ARMC7: variants seen among roughly 807,000 people sequenced by gnomAD.
ARMC7 encodes the protein armadillo repeat-containing protein 7.
ARMC7 carries 9 observed loss-of-function variants against 14.8 expected under a neutral mutation model. The ratio of observed to expected loss-of-function variants is 0.61; its 90% confidence interval spans 0.37 to 1.06. The LOEUF is 1.06. Among genes scored for constraint, ARMC7 ranks in the 50% least tolerant of loss-of-function variants. The pLI, the probability that ARMC7 is intolerant of heterozygous loss-of-function variation, is 0.01. For missense variants in ARMC7, 262 were observed against 267.1 expected (o/e 0.98, Z 0.13); for synonymous variants, 125 against 123.4 (o/e 1.01, Z -0.09).
chr17:75,111,823 T>C (rs1298399321), intron 2 of ARMC7, among the ~76,000 whole-genome samples: 1 of 151,438 alleles, frequency 6.6e-6, no homozygotes, highest in African/African-American at 2.5e-5. Context: ...CTTCTGTAGT[T>C]GTTATGATCT....
At position 75,129,230 on chromosome 17, in the gene ARMC7, A is replaced by C; in HGVS notation, c.*192A>C. The C allele has an allele frequency of 1.3e-6, 1 of 785,216 alleles. No homozygotes were observed. Among genetic ancestry groups the C allele is most frequent in the South Asian group, 2.0e-5 (1 of 49,326 alleles). The allele number at this position is 785,216 out of a possible 1,614,324, so 48.6% of individuals were successfully genotyped here. A position where few individuals can be genotyped will look rare whatever the true frequency, so the allele number is the denominator to read the frequency against. Reference sequence around the variant, plus strand: ...AGTGAGGAAGCCAGACTCCAGAGACACGGAGAAGATCAAACTGGAGCTGCG... The same window carrying C: ...AGTGAGGAAGCCAGACTCCAGAGACCCGGAGAAGATCAAACTGGAGCTGCG... On this transcript the variant is annotated 3_prime_UTR_variant, in exon 3 of 3. Coordinates refer to ENST00000245543, the MANE Select transcript of ARMC7 (RefSeq NM_024585.4).
chr17:75,110,508 A>T lies in ARMC7; in HGVS notation c.137A>T (p.Asp46Val), dbSNP rs200067357. 4 of 1,613,964 alleles carry T rather than the reference A, an allele frequency of 2.5e-6. No individual in the cohort carries two copies. Among genetic ancestry groups the T allele is most frequent in the Non-Finnish European group, 3.4e-6 (4 of 1,179,870 alleles). ...GCCAACCTCGCCAACTTCGCTTATG[A>T]CCCCAGCAACTACGAGTATCTGCGG... ...VLANLANFAY[D>V]PSNYEYLRQL... Residue 46 changes from aspartate to valine, a missense_variant, in exon 2 of 3, where the codon GAC (aspartate) becomes GTC (valine). Asp to Val is a radical substitution (Grantham distance 152, BLOSUM62 -3). Coordinates refer to ENST00000245543, the MANE Select transcript of ARMC7 (RefSeq NM_024585.4).
At chr17:75,125,265 C>G (rs1024153287) in intron 2 of ARMC7, among the ~76,000 whole-genome samples, 3 of 152,178 alleles carry the variant, frequency 2.0e-5, no homozygotes, top group Non-Finnish European at 1.5e-5. Context: ...CCCCCCGGGT[C>G]AGTGCTTAAA....
chr17:75,116,172 C>T (rs867612847), intron 2 of ARMC7, among the ~76,000 whole-genome samples: 11 of 152,198 alleles, frequency 7.2e-5, no homozygotes, highest in East Asian at 3.9e-4. Context: ...GCCCCCATCA[C>T]GGATGGCATT....
At chr17:75,119,673 GA>G (rs2073999790) in intron 2 of ARMC7, among the ~76,000 whole-genome samples, 1 of 150,328 alleles carries the variant, frequency 6.7e-6, no homozygotes, top group African/African-American at 2.5e-5. Flanking sequence ...TGTTAGCCAG[GA>G]TGGTCTCGAT....
chr17:75,117,546 G>A (rs1330948444), intron 2 of ARMC7, among the ~76,000 whole-genome samples: 1 of 152,230 alleles, frequency 6.6e-6, no homozygotes, highest in Admixed American at 6.5e-5. Flanking sequence ...TTTGGCCTAA[G>A]AAGGCAGGAT....
intron 2 of ARMC7, among the ~76,000 whole-genome samples, chr17:75,116,538 T>A (rs1422156012): frequency 1.3e-5 from 2 of 152,152 alleles, no homozygotes; most frequent in Non-Finnish European, 2.9e-5. Flanking sequence ...GGCAGGAGAA[T>A]CGCTTGAACC....
intron 2 of ARMC7, among the ~76,000 whole-genome samples, chr17:75,116,965 C>T (rs2073977485): frequency 6.6e-6 from 1 of 152,170 alleles, no homozygotes; most frequent in Non-Finnish European, 1.5e-5. Flanking sequence ...TCTGCCTCCT[C>T]TCTGAGGGCT....
chr17:75,127,277 A>G (rs1192504440), intron 2 of ARMC7, among the ~76,000 whole-genome samples: 2 of 152,154 alleles, frequency 1.3e-5, no homozygotes, highest in Non-Finnish European at 2.9e-5. Context: ...ATATTCACAT[A>G]TTTCAAATTG....
Position 75,128,750 on chromosome 17 carries a change from C to T in ARMC7, c.309C>T (p.Ile103=). 6.2e-7 allele frequency: 1 copy of T among 1,613,640 alleles called. No individual in the cohort carries two copies. Among genetic ancestry groups the T allele is most frequent in the Admixed American group, 1.7e-5 (1 of 60,020 alleles). Residue 103 remains isoleucine, a synonymous_variant, in exon 3 of 3, where the codon ATC becomes ATT. Transcript: ENST00000245543. ...TGCACGCAGGAGGTGTCCCACTCATCATCAACTGCCTATCCAGCCCCAATG... is the reference window on the plus strand; with the variant it reads ...TGCACGCAGGAGGTGTCCCACTCATTATCAACTGCCTATCCAGCCCCAATG... The part of the protein sequence containing the change: ...HILHAGGVPL[I]INCLSSPNEE...
At chr17:75,116,008 A>G (rs933103303) in intron 2 of ARMC7, among the ~76,000 whole-genome samples, 9 of 152,156 alleles carry the variant, frequency 5.9e-5, no homozygotes, top group African/African-American at 2.2e-4. Flanking sequence ...GGGATGGGAT[A>G]ACGTCCTATC....
At chr17:75,126,832 G>A (rs963939802) in intron 2 of ARMC7, among the ~76,000 whole-genome samples, 18 of 152,000 alleles carry the variant, frequency 1.2e-4, no homozygotes, top group African/African-American at 1.9e-4. Context: ...AGGCCGAGGC[G>A]GGTGGAACAC....
At chr17:75,113,601 C>T (rs2073949094) in intron 2 of ARMC7, among the ~76,000 whole-genome samples, 1 of 152,030 alleles carries the variant, frequency 6.6e-6, no homozygotes, top group Admixed American at 6.6e-5. Context: ...GTGATCTGCC[C>T]GCCTCGGCCT....
At position 75,129,041 on chromosome 17, in the gene ARMC7, C is replaced by G. The variant is rs2074078690; in HGVS notation, c.*3C>G. 10 of 1,591,012 alleles carry G rather than the reference C, an allele frequency of 6.3e-6. No individual in the cohort carries two copies. Among genetic ancestry groups the G allele is most frequent in the Non-Finnish European group, 8.5e-6 (10 of 1,175,014 alleles). On this transcript the variant is annotated 3_prime_UTR_variant, in exon 3 of 3. Transcript: ENST00000245543. ...GCGTGGCCCCACGGCAGCGCTGATCCATGGAGACTGCGAGACCGTGGCACC... is the reference window on the plus strand; with the variant it reads ...GCGTGGCCCCACGGCAGCGCTGATCGATGGAGACTGCGAGACCGTGGCACC...
At chr17:75,125,552 C>T (rs1411299320) in intron 2 of ARMC7, among the ~76,000 whole-genome samples, 3 of 152,010 alleles carry the variant, frequency 2.0e-5, no homozygotes, top group Non-Finnish European at 4.4e-5. Context: ...AATAATGTTC[C>T]CCCAGCTGGG....
At chr17:75,128,072 T>C (rs2145136738) in intron 2 of ARMC7, among the ~76,000 whole-genome samples, 1 of 152,050 alleles carries the variant, frequency 6.6e-6, no homozygotes, top group Non-Finnish European at 1.5e-5. Flanking sequence ...GTTTTAGTTT[T>C]TTATTTATTT....
At chr17:75,116,594 C>T (rs1254206935) in intron 2 of ARMC7, among the ~76,000 whole-genome samples, 3 of 152,220 alleles carry the variant, frequency 2.0e-5, no homozygotes, top group African/African-American at 7.2e-5. Flanking sequence ...CATTGCACTC[C>T]AGCCTGGGCA....
intron 2 of ARMC7, chr17:75,114,152 T>G (rs1438883481): frequency 1.2e-5 from 5 of 401,106 alleles, no homozygotes; most frequent in Admixed American, 4.4e-5. Context: ...TCCCTTTTCG[T>G]GCCTCTGCCC....
intron 2 of ARMC7, among the ~76,000 whole-genome samples, chr17:75,128,209 G>C (rs1239870790): frequency 6.6e-6 from 1 of 151,870 alleles, no homozygotes; most frequent in African/African-American, 2.4e-5. Context: ...CAAGTAGCTG[G>C]GATTACAGGC....
Sources: gnomAD v4.1 joint callset for allele counts (sites outside exome capture counted in the v4.1 genomes callset) on GRCh38, gnomAD v4.1.1 for gene constraint, MANE v1.5 for transcripts, NCBI Gene and HGNC (gene_info 2026-07-23, HGNC 2026-07-21) for gene names.